DCAF8: variants seen among roughly 807,000 people sequenced by gnomAD.
DCAF8 encodes the protein DDB1- and CUL4-associated factor 8.
Under a neutral mutation model 68.0 loss-of-function variants are expected in DCAF8, and 20 were observed. That is an observed-to-expected ratio of 0.29 (90% confidence interval 0.21 to 0.43). The LOEUF (loss-of-function observed/expected upper bound fraction) is 0.43, where lower values mean the gene tolerates loss of function less well. Among genes scored for constraint, DCAF8 ranks in the 20% least tolerant of loss-of-function variants. The pLI is 1.00. For missense variants in DCAF8, 460 were observed against 771.0 expected (o/e 0.60, Z 4.78); for synonymous variants, 230 against 276.9 (o/e 0.83, Z 1.68).
rs773765844 is a variant in DCAF8 at position 160,218,408 on chromosome 1, T to G, written c.1593A>C (p.Glu531Asp). The change falls in exon 13 of 14, where the codon GAA becomes GAC. Residue 531 changes from glutamate (E) to aspartate (D), a missense_variant. Glu to Asp is a conservative substitution (Grantham distance 45). Around this residue, in one of 8 missense-constraint regions of DCAF8, gnomAD observed 80 missense variants for 115.1 expected, o/e 0.70. Transcript: ENST00000368074. ...ACAGGTCAGTTTGGTGCAAGCTATCTTCATCCCGCTCCCGCTTGTTCTTCT... is the reference window on the plus strand; with the variant it reads ...ACAGGTCAGTTTGGTGCAAGCTATCGTCATCCCGCTCCCGCTTGTTCTTCT... ...VIKKNKRERDEDSLHQTDLFD... is the reference protein window; with the variant it reads ...VIKKNKRERDDDSLHQTDLFD... The G allele has an allele frequency of 2.5e-6, 4 of 1,614,188 alleles. No individual in the cohort carries two copies. The highest frequency in any genetic ancestry group is 1.1e-5 in the South Asian group (1 of 91,084).
At chr1:160,239,272 G>C (rs1389822060) in intron 4 of DCAF8, 1 of 1,087,260 alleles carries the variant, frequency 9.2e-7, no homozygotes, top group African/African-American at 1.6e-5. Context: ...TAACTGCTTA[G>C]CTTCTATTGT....
At chr1:160,250,631 C>G (rs751617723) in intron 2 of DCAF8, among the ~76,000 whole-genome samples, 16 of 152,030 alleles carry the variant, frequency 1.1e-4, no homozygotes, top group Non-Finnish European at 2.2e-4. Context: ...GCATAATGTC[C>G]AGACTTCTCA....
chr1:160,232,459 G>A (rs1450468808), intron 6 of DCAF8, among the ~76,000 whole-genome samples: 4 of 152,052 alleles, frequency 2.6e-5, no homozygotes, highest in Non-Finnish European at 5.9e-5. Context: ...TGGACAACAC[G>A]GTGAAACCCC....
chr1:160,256,164 C>G (rs1656830470), intron 2 of DCAF8, among the ~76,000 whole-genome samples: 1 of 151,752 alleles, frequency 6.6e-6, no homozygotes, highest in Non-Finnish European at 1.5e-5. Context: ...AGAGAACTTT[C>G]TATAAAAACA....
At chr1:160,249,953 A>C (rs1292855377) in intron 2 of DCAF8, among the ~76,000 whole-genome samples, 1 of 152,236 alleles carries the variant, frequency 6.6e-6, no homozygotes, top group Non-Finnish European at 1.5e-5. Flanking sequence ...AAACTATAGG[A>C]ATAGAGGGAT....
intron 11 of DCAF8, 189 bp from the exon 12 acceptor site, chr1:160,219,157 A>G (rs1655217893): frequency 3.0e-6 from 2 of 672,756 alleles, no homozygotes; most frequent in Non-Finnish European, 4.9e-6. Context: ...CAGACTGGGT[A>G]TAAGACCAGG....
intron 11 of DCAF8, chr1:160,220,959 G>C (rs1471484305): frequency 1.3e-5 from 2 of 152,176 alleles, no homozygotes; most frequent in Non-Finnish European, 2.9e-5. Flanking sequence ...AGCTTACACA[G>C]AGACAAGAAT....
Position 160,262,491 on chromosome 1 carries a change from C to T in DCAF8, c.-143G>A, listed in dbSNP as rs1262093259. On this transcript the variant is annotated 5_prime_UTR_variant, in exon 1 of 14. Transcript: ENST00000368074. ...ACCACCACCGCCTCCGCTCTCTGCGCTTGCGCCTGCGCTGCCACGCTTTCC... is the reference window on the plus strand; with the variant it reads ...ACCACCACCGCCTCCGCTCTCTGCGTTTGCGCCTGCGCTGCCACGCTTTCC... The T allele has an allele frequency of 7.5e-6, 3 of 400,322 alleles. No homozygotes were observed. Among genetic ancestry groups the T allele is most frequent in the Admixed American group, 8.8e-5 (2 of 22,746 alleles). 24.8% of individuals were successfully genotyped at this position (400,322 alleles called of 1,614,324 possible).
In DCAF8 at chr1:160,240,346, T is replaced by G. The variant is rs772461840; in HGVS notation, c.74A>C (p.Glu25Ala). Residue 25 changes from glutamate (E) to alanine (A), a missense_variant, in exon 4 of 14, where the codon GAG (glutamate) becomes GCG (alanine). Transcript: ENST00000368074. ...CCTCCCCTCTTCAGCTCCAGACATC[T>G]CCTCTGGACTGCTAGACAGGCTTCC... Reference protein sequence around the residue: ...ANGSLSSSPEEMSGAEEGRET... With the variant: ...ANGSLSSSPEAMSGAEEGRET... The G allele has an allele frequency of 3.7e-6, 6 of 1,612,180 alleles. No homozygotes were observed. The highest frequency in any genetic ancestry group is 5.1e-6 in the Non-Finnish European group (6 of 1,179,312).
At chr1:160,225,238 G>C in intron 8 of DCAF8, 119 bp from the exon 9 acceptor site, 1 of 968,028 alleles carries the variant, frequency 1.0e-6, no homozygotes, top group Non-Finnish European at 1.6e-6. Context: ...GAGAAAGACA[G>C]ACAGAGACAA....
At chr1:160,256,173 C>T (rs189106639) in intron 2 of DCAF8, among the ~76,000 whole-genome samples, 73 of 152,042 alleles carry the variant, frequency 4.8e-4, no homozygotes, top group Admixed American at 4.8e-3. Context: ...TCTATAAAAA[C>T]ATCCAGGACC....
rs557267962 is a variant in DCAF8, at chr1:160,216,116, G to A, written c.*1476C>T. 2 of 152,256 alleles carry A rather than the reference G, an allele frequency of 1.3e-5. No individual in the cohort carries two copies. Among genetic ancestry groups the A allele is most frequent in the South Asian group, 4.1e-4 (2 of 4,828 alleles). 9.4% of individuals were successfully genotyped at this position (152,256 alleles called of 1,614,324 possible). A position where few individuals can be genotyped will look rare whatever the true frequency, so the allele number is the denominator to read the frequency against. ...TGATAAGACAAGTGCCCAAGCTCCA[G>A]CCACTGTAATCAGTCCTTAGATTAA... On this transcript the variant is annotated 3_prime_UTR_variant, in exon 14 of 14. Coordinates refer to ENST00000368074, the MANE Select transcript of DCAF8 (RefSeq NM_015726.4).
chr1:160,239,571 G>A lies in DCAF8; in HGVS notation c.723+126C>T, dbSNP rs74125527. 7,039 of 1,594,688 alleles carry A rather than the reference G, an allele frequency of 4.4e-3. 139 individuals carry two copies. The African/African-American group carries it at 0.048, about 11-fold the overall frequency. On this transcript the variant is annotated intron_variant, in intron 4 of 13. Coordinates refer to ENST00000368074, the MANE Select transcript of DCAF8 (RefSeq NM_015726.4). The stretch of plus-strand genomic sequence containing the variant: ...TATTTAGGTCATTAGGGGAGCCAAA[G>A]TAGGGCCATGTCCCGATATGTAATT...
At chr1:160,224,938 C>T (rs1020272397) in intron 9 of DCAF8, 124 bp downstream of exon 9, 2 of 907,984 alleles carry the variant, frequency 2.2e-6, no homozygotes, top group Admixed American at 3.7e-5. Flanking sequence ...GCAGTTACTC[C>T]CCAGCTGCTC....
At position 160,238,757 on chromosome 1, in the gene DCAF8, TA is replaced by T; in HGVS notation, c.724-11del. On this transcript the variant is annotated splice_polypyrimidine_tract_variant and intron_variant, in intron 4 of 13. Transcript: ENST00000368074. ...TAGGAAGAAACTTGGCCTGGGGTGTTAAAAATGAAAAAAAGGACACACAAAA... is the reference window on the plus strand; with the variant it reads ...TAGGAAGAAACTTGGCCTGGGGTGTTAAAATGAAAAAAAGGACACACAAAA... 6.3e-7 allele frequency: 1 copy of T among 1,579,232 alleles called. No individual in the cohort carries two copies.
At chr1:160,242,547 G>A (rs146309615) in intron 3 of DCAF8, among the ~76,000 whole-genome samples, 9 of 152,200 alleles carry the variant, frequency 5.9e-5, no homozygotes, top group Middle Eastern at 3.4e-3. Context: ...AATTTTGGAG[G>A]CCTTACCACA....
chr1:160,218,014 T>C (rs1320218934), intron 13 of DCAF8: 2 of 500,420 alleles, frequency 4.0e-6, no homozygotes, highest in East Asian at 6.5e-5. Context: ...AGGCCTCTTT[T>C]GGCATAAGAG....
chr1:160,238,842 T>C, intron 4 of DCAF8, 95 bp from the exon 5 acceptor site: 1 of 1,246,822 alleles, frequency 8.0e-7, no homozygotes, highest in Non-Finnish European at 1.1e-6. Context: ...ACTTACCCCC[T>C]TTTCTTACAT....
intron 6 of DCAF8, among the ~76,000 whole-genome samples, chr1:160,235,140 T>C (rs1655824730): frequency 6.6e-6 from 1 of 151,844 alleles, no homozygotes; most frequent in South Asian, 2.1e-4. Flanking sequence ...ATAATAATTT[T>C]GGTTTTTTTT....
Sources: allele counts gnomAD v4.1 joint callset (sites outside exome capture counted in the v4.1 genomes callset), GRCh38; gene constraint gnomAD v4.1.1; regional missense constraint gnomAD v4.1.1; transcripts MANE v1.5; gene names NCBI Gene and HGNC (gene_info 2026-07-23, HGNC 2026-07-21).